Variants in MROH1 observed in about 807,000 individuals in gnomAD.
MROH1 encodes the protein maestro heat-like repeat-containing protein family member 1.
A neutral mutation model predicts 116.5 loss-of-function variants in MROH1; 117 were observed. The ratio of observed to expected loss-of-function variants is 1.00; its 90% confidence interval spans 0.86 to 1.17. The LOEUF is 1.17. Ranked by LOEUF, MROH1 falls within the 50% of genes most tolerant of loss-of-function variation. The pLI is 0.00. For synonymous variants in MROH1, 921 were observed against 583.9 expected (o/e 1.58, Z -8.32); for missense variants, 1,873 against 1,338.5 (o/e 1.40, Z -6.23).
chr8:144,232,477 T>C (rs1161729356), intron 14 of MROH1, among the ~76,000 whole-genome samples: 1 of 137,758 alleles, frequency 7.3e-6, no homozygotes, highest in Non-Finnish European at 1.5e-5. Context: ...TTTGTTTGTT[T>C]ATTTATTTAT....
At chr8:144,245,342 C>T (rs1841706004) in intron 29 of MROH1, 82 bp downstream of exon 29, 3 of 748,234 alleles carry the variant, frequency 4.0e-6, no homozygotes, top group African/African-American at 3.4e-5. Context: ...CTGGCTTCCT[C>T]TGGCCGCCGC....
At chr8:144,248,093 G>T (rs1455677459) in intron 31 of MROH1, among the ~76,000 whole-genome samples, 6 of 152,348 alleles carry the variant, frequency 3.9e-5, no homozygotes, top group African/African-American at 1.4e-4. Flanking sequence ...TGGGGGGCTA[G>T]GGTCATCGCC....
intron 26 of MROH1, 91 bp downstream of exon 26, chr8:144,244,033 T>C (rs4977197): frequency 0.67 from 493,103 of 731,460 alleles, 169,163 homozygotes; most frequent in African/African-American, 0.93. Context: ...CGCGTGTGCA[T>C]GTGCGTGTGT....
At chr8:144,190,740 C>G (rs769114776) in intron 7 of MROH1, 44 bp from the exon 8 acceptor site, 33 of 1,596,246 alleles carry the variant, frequency 2.1e-5, no homozygotes, top group Non-Finnish European at 2.7e-5. Context: ...AGGATCGTCA[C>G]AAACCCATGG....
Position 144,242,428 on chromosome 8 carries a change from C to T in MROH1, c.2238C>T (p.His746=), listed in dbSNP as rs1010898883. 20 of 780,596 alleles carry T rather than the reference C, an allele frequency of 2.6e-5. No individual in the cohort carries two copies. The highest frequency in any genetic ancestry group is 4.5e-4 in the Middle Eastern group (2 of 4,448). The allele number at this position is 780,596 out of a possible 1,614,324, so 48.4% of individuals were successfully genotyped here. A position where few individuals can be genotyped will look rare whatever the true frequency, so the allele number is the denominator to read the frequency against. ...VKSALILCYG[H]VAARAPRELV... ...GTGCTCTGATCCTGTGCTATGGGCA[C>T]GTGGCGGCCCGGGCCCCCCGGGAGC... The change falls in exon 23 of 44, where the codon CAC becomes CAT. Residue 746 remains histidine (H), a synonymous_variant. Coordinates refer to ENST00000326134, the MANE Select transcript of MROH1 (RefSeq NM_032450.3).
Position 144,163,107 on chromosome 8 carries a change from G to C in MROH1, c.-56-664G>C, listed in dbSNP as rs150241428. 6.6e-6 allele frequency among the ~76,000 whole-genome samples: 1 copy of C among 152,184 alleles called. No individual in the cohort carries two copies. Among genetic ancestry groups the C allele is most frequent in the African/African-American group, 2.4e-5 (1 of 41,442 alleles). ...CCTGGCTGGTCAGGGATGGGTCATG[G>C]TGTCTCTCCTTCATTTTTCTCTGGA... On this transcript the variant is annotated intron_variant, in intron 2 of 43. Coordinates refer to ENST00000326134, the MANE Select transcript of MROH1 (RefSeq NM_032450.3). This position sits in a 1 kb window ranked among gnomAD's most constrained non-coding sequence, Gnocchi z 4.4.
intron 3 of MROH1, among the ~76,000 whole-genome samples, chr8:144,164,774 T>G (rs1467552322): frequency 4.6e-5 from 7 of 152,194 alleles, no homozygotes; most frequent in Non-Finnish European, 8.8e-5. Flanking sequence ...CAAAGGCTGT[T>G]CAGGCTGCTG....
intron 1 of MROH1, among the ~76,000 whole-genome samples, chr8:144,155,858 C>T (rs897072604): frequency 2.6e-5 from 4 of 151,818 alleles, no homozygotes; most frequent in African/African-American, 4.8e-5. Context: ...GTCTCGAACT[C>T]GTGACCTCAA....
At chr8:144,217,976 C>G (rs1280192253) in intron 12 of MROH1, among the ~76,000 whole-genome samples, 1 of 150,736 alleles carries the variant, frequency 6.6e-6, no homozygotes, top group Non-Finnish European at 1.5e-5. Flanking sequence ...GCGTTAGCGG[C>G]CCAGGATCCC....
At position 144,154,914 on chromosome 8, in the gene MROH1, G is replaced by T. The variant is rs1009641203; in HGVS notation, c.-176-6056G>T. Among the ~76,000 whole-genome samples, 4 of 152,208 alleles carry T rather than the reference G, an allele frequency of 2.6e-5. No homozygotes were observed. In the South Asian group the frequency reaches 8.3e-4, roughly 32 times the overall value. ...GCTCACTGCAACCTCTGCCTCCTGG[G>T]TTCAAGCAATTCTCTGCCTCAGCCT... On this transcript the variant is annotated intron_variant, in intron 1 of 43. Transcript: ENST00000326134.
At chr8:144,206,186 A>G (rs1588161566) in intron 12 of MROH1, among the ~76,000 whole-genome samples, 1 of 151,924 alleles carries the variant, frequency 6.6e-6, no homozygotes, top group African/African-American at 2.4e-5. Context: ...AGTGGCTGGG[A>G]CTGCAGGAGT....
chr8:144,214,983 C>T (rs970660830), intron 12 of MROH1, among the ~76,000 whole-genome samples: 3 of 152,154 alleles, frequency 2.0e-5, no homozygotes, highest in African/African-American at 7.2e-5. Flanking sequence ...CTAAGCCAGT[C>T]TAGTCTTTCC....
intron 43 of MROH1, 136 bp from the exon 44 acceptor site, chr8:144,261,519 C>T (rs1186601811): frequency 4.8e-5 from 33 of 687,768 alleles, no homozygotes; most frequent in African/African-American, 1.4e-4. Context: ...GCTTAAAAAA[C>T]ACTAAAAAAG....
rs1260464257 is a variant in MROH1, at chr8:144,248,968, G to A, written c.3212G>A (p.Arg1071Gln). ...ALGDPEKNCS[R>Q]AATVMINCLL... ...GGAGACCCCGAAAAGAACTGCTCCCGAGCAGCTACCGTCATGATCAACTGC... is the reference window on the plus strand; with the variant it reads ...GGAGACCCCGAAAAGAACTGCTCCCAAGCAGCTACCGTCATGATCAACTGC... Residue 1071 changes from arginine to glutamine, a missense_variant, in exon 32 of 44, where the codon CGA becomes CAA. Physicochemically the swap from Arg to Gln is conservative, Grantham distance 43 (BLOSUM62 1). Transcript: ENST00000326134. The A allele has an allele frequency of 3.2e-5, 24 of 742,860 alleles. No homozygotes were observed. Among genetic ancestry groups the A allele is most frequent in the East Asian group, 2.8e-4 (11 of 39,040 alleles). 46.0% of individuals were successfully genotyped at this position (742,860 alleles called of 1,614,324 possible).
In MROH1 at chr8:144,259,954, C is replaced by T. The variant is rs1158142185; in HGVS notation, c.4088C>T (p.Ser1363Leu). Reference protein sequence around the residue: ...NVANDLMLLDSLLESLAARQK... With the variant: ...NVANDLMLLDLLLESLAARQK... ...GCCAACGACCTCATGCTCTTGGACT[C>T]GCTGCTGGAGAGCCTGGCGGCTCGC... The change falls in exon 38 of 44, where the codon TCG (serine) becomes TTG (leucine). Residue 1363 changes from serine to leucine, a missense_variant. Ser to Leu is a moderately radical substitution (Grantham distance 145, BLOSUM62 -2). Transcript: ENST00000326134. 6.7e-6 allele frequency: 5 copies of T among 742,796 alleles called. No homozygotes were observed. Among genetic ancestry groups the T allele is most frequent in the South Asian group, 1.4e-5 (1 of 69,822 alleles). The allele number at this position is 742,796 out of a possible 1,614,324, so 46.0% of individuals were successfully genotyped here. A position where few individuals can be genotyped will look rare whatever the true frequency, so the allele number is the denominator to read the frequency against.
rs146592475 is a variant in MROH1 at position 144,171,946 on chromosome 8, T to C, written c.168+3506T>C. 3.6e-3 allele frequency among the ~76,000 whole-genome samples: 547 copies of C among 152,336 alleles called. 9 individuals are homozygous for C. Among genetic ancestry groups the C allele is most frequent in the South Asian group, 0.021 (99 of 4,820 alleles). On this transcript the variant is annotated intron_variant, in intron 4 of 43. Transcript: ENST00000326134. ...AAAGGAGATTGGACATACCTCGTTATACCTGCTCCCTTTTGGAGTTTGGAC... is the reference window on the plus strand; with the variant it reads ...AAAGGAGATTGGACATACCTCGTTACACCTGCTCCCTTTTGGAGTTTGGAC...
intron 7 of MROH1, among the ~76,000 whole-genome samples, chr8:144,189,960 ATGTATTTTCTCACAGTTT>A (rs1317502079): frequency 2.0e-5 from 3 of 152,184 alleles, no homozygotes; most frequent in African/African-American, 7.2e-5. Context: ...AACAACAGAA[ATGTATTTTCTCACAGTTT>A]TGGAGACTGG....
chr8:144,228,574 C>A (rs1420135491), intron 14 of MROH1, among the ~76,000 whole-genome samples: 1 of 152,180 alleles, frequency 6.6e-6, no homozygotes, highest in African/African-American at 2.4e-5. Flanking sequence ...AGCAATTTCC[C>A]TGCCTCAGCC....
At chr8:144,259,008 G>GT in intron 36 of MROH1, 94 bp downstream of exon 36, 1 of 645,344 alleles carries the variant, frequency 1.5e-6, no homozygotes, top group Non-Finnish European at 2.8e-6. Context: ...GGGCCCATGC[G>GT]TGTCAGGCCA....
Sources: gnomAD v4.1 joint callset for allele counts (sites outside exome capture counted in the v4.1 genomes callset) on GRCh38, gnomAD v4.1.1 for gene constraint, Gnocchi (gnomAD v3.1) non-coding constraint, MANE v1.5 for transcripts, NCBI Gene and HGNC (gene_info 2026-07-23, HGNC 2026-07-21) for gene names.